OPCML: variants seen among roughly 807,000 people sequenced by gnomAD.
OPCML encodes the protein opioid binding protein/cell adhesion molecule like, also known as opioid-binding protein/cell adhesion molecule.
A neutral mutation model predicts 37.8 loss-of-function variants in OPCML; 13 were observed. The ratio of observed to expected loss-of-function variants is 0.34; its 90% CI spans 0.22 to 0.55. The LOEUF (loss-of-function observed/expected upper bound fraction) is 0.55. Ranked by LOEUF, OPCML falls within the 20% of genes least tolerant of loss-of-function variation. OPCML has a pLI of 0.91. For synonymous variants in OPCML, 176 were observed against 168.8 expected (o/e 1.04, Z -0.33); for missense variants, 341 against 435.6 (o/e 0.78, Z 1.93).
intron 1 of OPCML, among the ~76,000 whole-genome samples, chr11:133,272,632 A>C (rs1214488844): frequency 6.6e-6 from 1 of 152,178 alleles, no homozygotes; most frequent in African/African-American, 2.4e-5. Context: ...GGGACCCAAG[A>C]AAGGGGCAGG....
At chr11:132,941,381 C>T (rs1305123048) in intron 2 of OPCML, among the ~76,000 whole-genome samples, 3 of 152,104 alleles carry the variant, frequency 2.0e-5, no homozygotes, top group Admixed American at 2.0e-4. Context: ...CCTCTTTGCC[C>T]CCAGTGGCAC....
chr11:132,674,150 A>G (rs1942598553), intron 2 of OPCML, among the ~76,000 whole-genome samples: 1 of 152,228 alleles, frequency 6.6e-6, no homozygotes, highest in African/African-American at 2.4e-5. Flanking sequence ...AGAACAAAGC[A>G]AACATACACT....
intron 1 of OPCML, among the ~76,000 whole-genome samples, chr11:133,339,746 T>C (rs1371763465): frequency 2.0e-5 from 3 of 152,218 alleles, no homozygotes; most frequent in African/African-American, 4.8e-5. Flanking sequence ...GCTCCTGTTG[T>C]TCTAGGTCCA....
intron 1 of OPCML, among the ~76,000 whole-genome samples, chr11:133,432,990 T>A (rs966692264): frequency 1.3e-5 from 2 of 152,208 alleles, no homozygotes; most frequent in Non-Finnish European, 2.9e-5. Flanking sequence ...AGTTTATGAA[T>A]CTCTATTCTA....
At chr11:133,429,708 G>A (rs1388500817) in intron 1 of OPCML, among the ~76,000 whole-genome samples, 1 of 152,166 alleles carries the variant, frequency 6.6e-6, no homozygotes, top group Non-Finnish European at 1.5e-5. Context: ...ACTCCTAAAT[G>A]TTTGATCTGA....
intron 4 of OPCML, among the ~76,000 whole-genome samples, chr11:132,447,566 T>C (rs1051899622): frequency 1.3e-5 from 2 of 151,996 alleles, no homozygotes; most frequent in Non-Finnish European, 2.9e-5. Context: ...TGCCTTGGCC[T>C]CCCAAAGTGA....
rs1470654373 is a variant in OPCML at position 132,880,936 on chromosome 11, C to A, written c.146+61990G>T. Among the ~76,000 whole-genome samples the A allele has an allele frequency of 2.0e-5, 3 of 152,214 alleles. No homozygotes were observed. In the East Asian group the frequency reaches 5.8e-4, roughly 29 times the overall value. On this transcript the variant is annotated intron_variant, in intron 2 of 7. Coordinates refer to ENST00000524381, the MANE Select transcript of OPCML (RefSeq NM_001012393.5). Reference sequence around the variant, plus strand: ...AGACAACACTCCCCACCCCCACTTCCATTCCCAGCCCCTTGCCTCTTTTGG... The same window carrying A: ...AGACAACACTCCCCACCCCCACTTCAATTCCCAGCCCCTTGCCTCTTTTGG...
At position 133,140,805 on chromosome 11, in the gene OPCML, AGAC is replaced by A. The variant is rs1592041328; in HGVS notation, c.62-197798_62-197796del. On this transcript the variant is annotated intron_variant, in intron 1 of 7. Transcript: ENST00000524381. ...AAGACGACGAAGAAGAAGAAGAAGA[AGAC>A]GACGACGAAGAAGAAGACGACGACG... is the stretch of plus-strand genomic sequence containing the variant. 4.6e-5 allele frequency among the ~76,000 whole-genome samples: 6 copies of A among 130,876 alleles called. 2 individuals carry two copies. Among genetic ancestry groups the A allele is most frequent in the African/African-American group, 8.8e-5 (3 of 33,920 alleles). 85.9% of individuals were successfully genotyped at this position (130,876 alleles called of 152,430 possible).
At chr11:132,995,885 A>C (rs2136830913) in intron 1 of OPCML, among the ~76,000 whole-genome samples, 1 of 152,340 alleles carries the variant, frequency 6.6e-6, no homozygotes, top group African/African-American at 2.4e-5. Flanking sequence ...TCTGCGAGGC[A>C]GGAATTAGTA....
intron 1 of OPCML, among the ~76,000 whole-genome samples, chr11:132,977,922 C>T (rs1488839610): frequency 6.6e-6 from 1 of 152,054 alleles, no homozygotes; most frequent in African/African-American, 2.4e-5. Context: ...CCCTGGAGAA[C>T]ATCAGGATTG....
At chr11:132,712,442 A>G (rs1462771402) in intron 2 of OPCML, among the ~76,000 whole-genome samples, 1 of 152,158 alleles carries the variant, frequency 6.6e-6, no homozygotes, top group Admixed American at 6.5e-5. Context: ...TTATTTTAAT[A>G]AAAGAAAGGT....
intron 2 of OPCML, among the ~76,000 whole-genome samples, chr11:132,826,647 C>G (rs951529926): frequency 6.6e-6 from 1 of 152,170 alleles, no homozygotes; most frequent in Non-Finnish European, 1.5e-5. Context: ...ATCAGTGATC[C>G]ACTTGTCTGA....
intron 3 of OPCML, among the ~76,000 whole-genome samples, chr11:132,621,483 A>G (rs1001274958): frequency 6.6e-6 from 1 of 152,240 alleles, no homozygotes; most frequent in Non-Finnish European, 1.5e-5. Context: ...ATGAACTATT[A>G]AAACACACAC....
intron 2 of OPCML, among the ~76,000 whole-genome samples, chr11:132,763,137 G>A (rs1946322387): frequency 6.6e-6 from 1 of 152,088 alleles, no homozygotes; most frequent in African/African-American, 2.4e-5. Flanking sequence ...CCCTCCATGG[G>A]CTGCACCCAT....
chr11:132,836,814 G>A (rs534501442), intron 2 of OPCML, among the ~76,000 whole-genome samples: 31 of 152,186 alleles, frequency 2.0e-4, no homozygotes, highest in Non-Finnish European at 4.4e-4. Context: ...ACGGAAAAGA[G>A]CAGGGGGTGG....
chr11:133,140,871 C>A lies in OPCML; in HGVS notation c.62-197861G>T, dbSNP rs370296454. The stretch of plus-strand genomic sequence containing the variant: ...ACGACGACGAAGAAGACGACGACGA[C>A]GAAGAAGACGACGACGACGACGAAG... On this transcript the variant is annotated intron_variant, in intron 1 of 7. Coordinates refer to ENST00000524381, the MANE Select transcript of OPCML (RefSeq NM_001012393.5). Among the ~76,000 whole-genome samples the A allele has an allele frequency of 3.8e-3, 154 of 40,164 alleles. 10 individuals are homozygous for A. The highest frequency in any genetic ancestry group is 0.014 in the Middle Eastern group (1 of 70). 26.3% of individuals were successfully genotyped at this position (40,164 alleles called of 152,430 possible). A position where few individuals can be genotyped will look rare whatever the true frequency, so the allele number is the denominator to read the frequency against.
At chr11:133,053,586 C>T (rs1448636105) in intron 1 of OPCML, among the ~76,000 whole-genome samples, 1 of 152,188 alleles carries the variant, frequency 6.6e-6, no homozygotes, top group Non-Finnish European at 1.5e-5. Context: ...GAAATTTCCT[C>T]TTATTCTATT....
intron 2 of OPCML, among the ~76,000 whole-genome samples, chr11:132,858,743 T>G (rs1441879511): frequency 1.3e-5 from 2 of 152,214 alleles, no homozygotes; most frequent in Non-Finnish European, 2.9e-5. Flanking sequence ...ATGCAAGTGT[T>G]TTTAAATATA....
At chr11:132,885,743 C>T (rs1943385487) in intron 2 of OPCML, among the ~76,000 whole-genome samples, 1 of 152,114 alleles carries the variant, frequency 6.6e-6, no homozygotes, top group South Asian at 2.1e-4. Context: ...ATCTTGGAAG[C>T]ATTAATTTCA....
Sources: gnomAD v4.1 joint callset for allele counts (sites outside exome capture counted in the v4.1 genomes callset) on GRCh38, gnomAD v4.1.1 for gene constraint, MANE v1.5 for transcripts, NCBI Gene and HGNC (gene_info 2026-07-23, HGNC 2026-07-21) for gene names.